SGCZ: variants seen among roughly 807,000 people sequenced by gnomAD.
The protein encoded by SGCZ is sarcoglycan zeta.
In SGCZ, 40 loss-of-function variants were observed where a neutral mutation model predicts 41.3. The ratio of observed to expected loss-of-function variants is 0.97; its 90% CI spans 0.75 to 1.26. The LOEUF (loss-of-function observed/expected upper bound fraction) is 1.26. Among genes scored for constraint, SGCZ ranks in the 50% most tolerant of loss-of-function variants. The pLI is 0.00. For missense variants in SGCZ, 552 were observed against 369.8 expected (o/e 1.49, Z -4.04); for synonymous variants, 206 against 137.5 (o/e 1.50, Z -3.49).
intron 1 of SGCZ, among the ~76,000 whole-genome samples, chr8:14,826,381 C>T (rs980251910): frequency 1.3e-5 from 2 of 152,060 alleles, no homozygotes; most frequent in South Asian, 2.1e-4. Context: ...GTGAATAGTG[C>T]CGCAATAAAC....
rs138785758 is a variant in SGCZ, at chr8:14,338,854, G to A, written c.235-14650C>T. 5.3e-5 allele frequency among the ~76,000 whole-genome samples: 8 copies of A among 152,184 alleles called. No individual in the cohort carries two copies. The East Asian group carries it at 1.4e-3, about 26-fold the overall frequency. On this transcript the variant is annotated intron_variant, in intron 2 of 7. Transcript: ENST00000382080. ...AGTGCCCTATGACAAGAGTGCTCAT[G>A]TTTTAAGGAGCAGGTAAGAAAAGGA...
intron 1 of SGCZ, among the ~76,000 whole-genome samples, chr8:15,002,891 T>C (rs1027569179): frequency 6.6e-6 from 1 of 151,770 alleles, no homozygotes; most frequent in Admixed American, 6.6e-5. Context: ...CTGGGGGAGG[T>C]AATGGAATCA....
At chr8:14,335,915 C>T (rs557521802) in intron 2 of SGCZ, among the ~76,000 whole-genome samples, 19 of 151,958 alleles carry the variant, frequency 1.3e-4, no homozygotes, top group Non-Finnish European at 2.4e-4. Flanking sequence ...TTTTTACAAC[C>T]GTATTTTTTA....
chr8:14,458,483 T>C lies in SGCZ; in HGVS notation c.234+96249A>G, dbSNP rs190493232. Among the ~76,000 whole-genome samples the C allele has an allele frequency of 1.3e-4, 20 of 152,208 alleles. No individual in the cohort carries two copies. The East Asian group carries it at 3.9e-3, about 29-fold the overall frequency. ...AGTGAATGTATTACAGATAATGAGATCTAGGTGTCTCAATAGTGAGGAAAG... is the reference window on the plus strand; with the variant it reads ...AGTGAATGTATTACAGATAATGAGACCTAGGTGTCTCAATAGTGAGGAAAG... On this transcript the variant is annotated intron_variant, in intron 2 of 7. Transcript: ENST00000382080.
At chr8:14,463,183 C>G (rs1300673106) in intron 2 of SGCZ, among the ~76,000 whole-genome samples, 1 of 151,036 alleles carries the variant, frequency 6.6e-6, no homozygotes, top group East Asian at 1.9e-4. Context: ...ACATATTTCT[C>G]TGGTTAGAAT....
chr8:15,047,182 A>G (rs1453576480), intron 1 of SGCZ, among the ~76,000 whole-genome samples: 2 of 152,078 alleles, frequency 1.3e-5, no homozygotes, highest in African/African-American at 2.4e-5. Context: ...TGGACTAAAA[A>G]TATTAAGTGA....
chr8:14,270,466 G>C (rs1047545958), intron 3 of SGCZ, among the ~76,000 whole-genome samples: 15 of 152,102 alleles, frequency 9.9e-5, no homozygotes, highest in African/African-American at 3.6e-4. Flanking sequence ...AACCGATACG[G>C]CTTCAGTTTT....
chr8:14,668,979 C>T (rs2117504275), intron 1 of SGCZ, among the ~76,000 whole-genome samples: 1 of 151,838 alleles, frequency 6.6e-6, no homozygotes, highest in Non-Finnish European at 1.5e-5. Context: ...GTTCTACTCT[C>T]ATAGAAAATT....
At chr8:14,240,039 AG>A (rs1297283067) in intron 3 of SGCZ, among the ~76,000 whole-genome samples, 1 of 151,946 alleles carries the variant, frequency 6.6e-6, no homozygotes, top group African/African-American at 2.4e-5. Context: ...TAGAATGGAA[AG>A]TTTAGTCCGG....
chr8:14,544,765 T>G (rs1803573527), intron 2 of SGCZ, among the ~76,000 whole-genome samples: 1 of 152,182 alleles, frequency 6.6e-6, no homozygotes, highest in African/African-American at 2.4e-5. Context: ...AGACAATACG[T>G]GCACCACTGA....
At chr8:15,113,116 G>C (rs1223309185) in intron 1 of SGCZ, among the ~76,000 whole-genome samples, 1 of 151,670 alleles carries the variant, frequency 6.6e-6, no homozygotes, top group Non-Finnish European at 1.5e-5. Context: ...GACTGAGGTG[G>C]GAGCAGCGCT....
intron 1 of SGCZ, among the ~76,000 whole-genome samples, chr8:15,126,276 A>C (rs541980941): frequency 1.3e-5 from 2 of 152,328 alleles, no homozygotes; most frequent in East Asian, 3.9e-4. Flanking sequence ...CAAGTAGAAA[A>C]TTTATACTAT....
intron 1 of SGCZ, among the ~76,000 whole-genome samples, chr8:14,999,040 C>T (rs947279531): frequency 1.3e-5 from 2 of 152,098 alleles, no homozygotes; most frequent in Non-Finnish European, 2.9e-5. Context: ...GGTGTTGTGT[C>T]CCAGGTGATG....
chr8:14,510,823 A>T (rs1235037463), intron 2 of SGCZ, among the ~76,000 whole-genome samples: 1 of 152,092 alleles, frequency 6.6e-6, no homozygotes, highest in African/African-American at 2.4e-5. Flanking sequence ...TAAAAAGCTA[A>T]ATAAGCCTTT....
intron 2 of SGCZ, among the ~76,000 whole-genome samples, chr8:14,526,294 T>A (rs1026352433): frequency 5.9e-5 from 9 of 152,100 alleles, no homozygotes; most frequent in Non-Finnish European, 8.8e-5. Context: ...CTTGTCTATT[T>A]CTAGGTCTGT....
chr8:14,239,090 T>G (rs1000000460), intron 3 of SGCZ, among the ~76,000 whole-genome samples: 3 of 152,054 alleles, frequency 2.0e-5, no homozygotes, highest in Non-Finnish European at 4.4e-5. Flanking sequence ...AGATCTAAAA[T>G]ATTTAAAATT....
At chr8:14,130,434 G>A (rs925337419) in intron 5 of SGCZ, among the ~76,000 whole-genome samples, 1 of 152,048 alleles carries the variant, frequency 6.6e-6, no homozygotes, top group Non-Finnish European at 1.5e-5. Flanking sequence ...TTCCTTCCAC[G>A]ATGTGAGCAA....
chr8:14,422,611 A>C (rs1358291636), intron 2 of SGCZ, among the ~76,000 whole-genome samples: 1 of 152,246 alleles, frequency 6.6e-6, no homozygotes, highest in African/African-American at 2.4e-5. Flanking sequence ...CCTTGTATAA[A>C]AAAGAATGCT....
intron 1 of SGCZ, among the ~76,000 whole-genome samples, chr8:14,967,365 C>T (rs1801156434): frequency 6.6e-6 from 1 of 152,160 alleles, no homozygotes; most frequent in African/African-American, 2.4e-5. Context: ...CACACAGATT[C>T]TTACATGACA....
Sources: allele counts gnomAD v4.1 joint callset (sites outside exome capture counted in the v4.1 genomes callset), GRCh38; gene constraint gnomAD v4.1.1; transcripts MANE v1.5; gene names NCBI Gene and HGNC (gene_info 2026-07-23, HGNC 2026-07-21).